Variants in TPRG1 observed in about 807,000 individuals in gnomAD.
TPRG1 encodes the protein tumor protein p63-regulated gene 1 protein.
TPRG1 carries 29 observed loss-of-function variants against 29.3 expected under a neutral mutation model. That is an observed-to-expected ratio of 0.99 (90% CI 0.74 to 1.35). TPRG1 has a LOEUF of 1.35. Among genes scored for constraint, TPRG1 ranks in the 40% most tolerant of loss-of-function variants. The pLI is 0.00. For synonymous variants in TPRG1, 130 were observed against 116.8 expected (o/e 1.11, Z -0.73); for missense variants, 327 against 335.0 (o/e 0.98, Z 0.19).
intron 4 of TPRG1, among the ~76,000 whole-genome samples, chr3:189,024,319 G>T (rs1713540050): frequency 6.6e-6 from 1 of 152,026 alleles, no homozygotes; most frequent in Non-Finnish European, 1.5e-5. Context: ...AACCGCCTCT[G>T]CCCTGATTCG....
intron 1 of TPRG1, among the ~76,000 whole-genome samples, chr3:189,109,079 C>A (rs1720172724): frequency 6.6e-6 from 1 of 151,860 alleles, no homozygotes; most frequent in Non-Finnish European, 1.5e-5. Context: ...AGGGTATAGA[C>A]AAAGTATTTT....
At chr3:189,092,953 T>A (rs562640386) in intron 4 of TPRG1, among the ~76,000 whole-genome samples, 85 of 152,286 alleles carry the variant, frequency 5.6e-4, no homozygotes, top group African/African-American at 2.0e-3. Flanking sequence ...TGTTCTCTAA[T>A]TTGCTGAAAT....
rs921761775 is a variant in TPRG1, at chr3:189,225,944, C to G, written c.302+10561C>G. ...TCTAATGATAAAAGAGACAATCCACCAAGAAGATACAGCAATTCTAAATGT... is the reference window on the plus strand; with the variant it reads ...TCTAATGATAAAAGAGACAATCCACGAAGAAGATACAGCAATTCTAAATGT... On this transcript the variant is annotated intron_variant, in intron 3 of 5. Coordinates refer to ENST00000345063, the MANE Select transcript of TPRG1 (RefSeq NM_198485.4). 2.6e-5 allele frequency among the ~76,000 whole-genome samples: 4 copies of G among 151,636 alleles called. 1 individual carries two copies. The highest frequency in any genetic ancestry group is 2.6e-4 in the Admixed American group (4 of 15,226).
intron 4 of TPRG1, among the ~76,000 whole-genome samples, chr3:189,257,048 T>C (rs1402778241): frequency 1.3e-5 from 2 of 152,242 alleles, no homozygotes; most frequent in African/African-American, 4.8e-5. Context: ...CCTGTCATTA[T>C]AATGCTAGCT....
At chr3:189,240,962 C>T (rs1740478658) in intron 4 of TPRG1, among the ~76,000 whole-genome samples, 1 of 152,086 alleles carries the variant, frequency 6.6e-6, no homozygotes, top group Admixed American at 6.6e-5. Context: ...TTTAATAGTG[C>T]AGAATATTAC....
At chr3:189,047,059 G>T (rs1017418800) in intron 4 of TPRG1, among the ~76,000 whole-genome samples, 1 of 152,104 alleles carries the variant, frequency 6.6e-6, no homozygotes, top group Non-Finnish European at 1.5e-5. Context: ...TGAAAATACA[G>T]GTATAGCTCT....
chr3:189,217,680 G>T (rs1331648411), intron 3 of TPRG1, among the ~76,000 whole-genome samples: 2 of 152,140 alleles, frequency 1.3e-5, no homozygotes, highest in Non-Finnish European at 2.9e-5. Flanking sequence ...GATGCATTAT[G>T]CAATGGAAAG....
At chr3:189,202,785 T>G (rs1733706622) in intron 1 of TPRG1, among the ~76,000 whole-genome samples, 1 of 152,182 alleles carries the variant, frequency 6.6e-6, no homozygotes, top group Non-Finnish European at 1.5e-5. Context: ...GCTGTGGGAC[T>G]GCTGATGCAC....
chr3:189,154,543 G>A (rs1376318348), intron 5 of TPRG1, among the ~76,000 whole-genome samples: 1 of 151,760 alleles, frequency 6.6e-6, no homozygotes, highest in Non-Finnish European at 1.5e-5. Flanking sequence ...CCAGATTCAA[G>A]CAATTCTCCT....
chr3:189,197,516 G>A (rs1170528750), intron 1 of TPRG1, among the ~76,000 whole-genome samples: 1 of 152,196 alleles, frequency 6.6e-6, no homozygotes, highest in Non-Finnish European at 1.5e-5. Context: ...GGTCAGGCCA[G>A]TTGCAAAGTA....
chr3:189,144,716 C>G (rs869104446), intron 3 of TPRG1, among the ~76,000 whole-genome samples: 1 of 152,050 alleles, frequency 6.6e-6, no homozygotes, highest in Non-Finnish European at 1.5e-5. Flanking sequence ...AGAAAAGACA[C>G]TGATCACTAG....
rs1047981215 is a variant in TPRG1, at chr3:189,229,391, G to A, written c.303-9342G>A. Among the ~76,000 whole-genome samples the A allele has an allele frequency of 7.9e-5, 12 of 152,190 alleles. 1 individual carries two copies. The highest frequency in any genetic ancestry group is 1.3e-4 in the Non-Finnish European group (9 of 68,030). ...TGTGGTGGAAGTTCAGCCTTTGGCCGTAGCTGACTGGACAAAGAGAGGTTA... is the reference window on the plus strand; with the variant it reads ...TGTGGTGGAAGTTCAGCCTTTGGCCATAGCTGACTGGACAAAGAGAGGTTA... On this transcript the variant is annotated intron_variant, in intron 3 of 5. Coordinates refer to ENST00000345063, the MANE Select transcript of TPRG1 (RefSeq NM_198485.4).
At chr3:189,011,805 C>A (rs552179345) in intron 3 of TPRG1, among the ~76,000 whole-genome samples, 1 of 152,280 alleles carries the variant, frequency 6.6e-6, no homozygotes, top group East Asian at 1.9e-4. Flanking sequence ...TCTCTGATTT[C>A]TTTGAACAGT....
intron 1 of TPRG1, among the ~76,000 whole-genome samples, chr3:189,173,345 T>C (rs1183790243): frequency 2.7e-5 from 4 of 148,310 alleles, no homozygotes; most frequent in Admixed American, 1.3e-4. Context: ...TCTTCTTCTT[T>C]TTTTTTTTTT....
intron 4 of TPRG1, among the ~76,000 whole-genome samples, chr3:189,076,617 C>G (rs774587512): frequency 6.6e-5 from 10 of 151,754 alleles, no homozygotes; most frequent in Non-Finnish European, 1.3e-4. Context: ...TTTAATGGTT[C>G]CATATGGAAC....
intron 4 of TPRG1, among the ~76,000 whole-genome samples, chr3:189,092,442 CTT>C (rs201972502): frequency 0.012 from 1,624 of 131,278 alleles, 30 homozygotes; most frequent in African/African-American, 0.038. Context: ...TCTGAAATTT[CTT>C]TTTTTTTTTT....
At chr3:189,274,260 A>G (rs1715717991) in intron 4 of TPRG1, among the ~76,000 whole-genome samples, 1 of 152,174 alleles carries the variant, frequency 6.6e-6, no homozygotes, top group Non-Finnish European at 1.5e-5. Flanking sequence ...GCTAAAATGA[A>G]ATGAAAATTT....
chr3:189,273,525 A>G (rs368769787), intron 4 of TPRG1, among the ~76,000 whole-genome samples: 1 of 152,188 alleles, frequency 6.6e-6, no homozygotes, highest in Non-Finnish European at 1.5e-5. Context: ...CTTGAGTTCT[A>G]ATCCCAGTTT....
At chr3:189,030,448 C>CT (rs1167900775) in intron 4 of TPRG1, among the ~76,000 whole-genome samples, 1 of 152,148 alleles carries the variant, frequency 6.6e-6, no homozygotes, top group Non-Finnish European at 1.5e-5. Context: ...CAGTTTCTTT[C>CT]TTTTTTCTAA....
Sources: allele counts gnomAD v4.1 joint callset (sites outside exome capture counted in the v4.1 genomes callset), GRCh38; gene constraint gnomAD v4.1.1; transcripts MANE v1.5; gene names NCBI Gene and HGNC (gene_info 2026-07-23, HGNC 2026-07-21).